The following RIN3 variants were observed in gnomAD, a reference collection of about 807,000 sequenced individuals.
RIN3 encodes the protein Ras and Rab interactor 3.
In RIN3, 54 loss-of-function variants were observed where a neutral mutation model predicts 76.3. The ratio of observed to expected loss-of-function variants is 0.71; its 90% CI spans 0.57 to 0.89. The LOEUF is 0.89. Among genes scored for constraint, RIN3 ranks in the 40% least tolerant of loss-of-function variants. The pLI is 0.00. For synonymous variants in RIN3, 576 were observed against 564.0 expected, an observed-to-expected ratio of 1.02 and a Z score of -0.30; for missense variants, 1,256 against 1,322.1, an observed-to-expected ratio of 0.95 and a Z score of 0.78.
At chr14:92,646,345 C>G (rs1186004941) in intron 5 of RIN3, among the ~76,000 whole-genome samples, 1 of 152,234 alleles carries the variant, frequency 6.6e-6, no homozygotes, top group Non-Finnish European at 1.5e-5. Flanking sequence ...TGGGCCCCAC[C>G]CTCTGCACCA....
intron 4 of RIN3, among the ~76,000 whole-genome samples, chr14:92,635,737 C>T (rs973441059): frequency 2.6e-5 from 4 of 152,074 alleles, no homozygotes; most frequent in Admixed American, 2.6e-4. Context: ...CCTGTAGTCC[C>T]AGCTACTCGG....
intron 4 of RIN3, among the ~76,000 whole-genome samples, chr14:92,637,125 A>G (rs896276944): frequency 3.9e-5 from 6 of 152,038 alleles, no homozygotes; most frequent in Non-Finnish European, 5.9e-5. Context: ...TTTATTGTGC[A>G]CCTTATTTCT....
intron 5 of RIN3, among the ~76,000 whole-genome samples, chr14:92,647,407 G>A (rs1047826589): frequency 4.6e-5 from 7 of 152,204 alleles, no homozygotes; most frequent in African/African-American, 1.7e-4. Flanking sequence ...AGCGTCCAAG[G>A]AATTTAGAGA....
intron 6 of RIN3, among the ~76,000 whole-genome samples, chr14:92,655,044 A>C (rs1887616422): frequency 6.6e-6 from 1 of 152,088 alleles, no homozygotes; most frequent in Non-Finnish European, 1.5e-5. Context: ...GCGCACCTGT[A>C]ATCCCAGCTA....
At chr14:92,575,121 T>A (rs886646872) in intron 2 of RIN3, among the ~76,000 whole-genome samples, 2 of 151,858 alleles carry the variant, frequency 1.3e-5, no homozygotes, top group African/African-American at 4.8e-5. Flanking sequence ...ATTAATAATA[T>A]TAATATGGTT....
At chr14:92,675,690 T>A (rs1044375227) in intron 7 of RIN3, among the ~76,000 whole-genome samples, 1 of 152,364 alleles carries the variant, frequency 6.6e-6, no homozygotes, top group East Asian at 1.9e-4. Flanking sequence ...AGGAAGATTC[T>A]ATTCTGGTCA....
In RIN3 at chr14:92,685,058, C is replaced by T. The variant is rs760455123; in HGVS notation, c.2539C>T (p.Arg847Trp). The change falls in exon 9 of 10, where the codon CGG (arginine) becomes TGG (tryptophan). Residue 847 changes from arginine to tryptophan, a missense_variant. Around this residue, in one of 3 missense-constraint regions of RIN3, gnomAD observed 428 missense variants for 521.2 expected, o/e 0.82. Coordinates refer to ENST00000216487, the MANE Select transcript of RIN3 (RefSeq NM_024832.5). This position sits in a 1 kb window ranked among gnomAD's most constrained non-coding sequence, Gnocchi z 4.7. ...GAGCTACGACAAGATCACGGTGACC[C>T]GGCAGCTGAGTGTGGAGGTGCAGGA... ...IKSYDKITVT[R>W]QLSVEVQDSI... 24 of 1,613,896 alleles carry T rather than the reference C, an allele frequency of 1.5e-5. No individual in the cohort carries two copies. The highest frequency in any genetic ancestry group is 2.2e-5 in the East Asian group (1 of 44,896).
Position 92,681,749 on chromosome 14 carries a change from T to C in RIN3, c.2468-3238T>C, listed in dbSNP as rs1888669988. On this transcript the variant is annotated intron_variant, in intron 8 of 9. Coordinates refer to ENST00000216487, the MANE Select transcript of RIN3 (RefSeq NM_024832.5). The surrounding 1 kb of genome is among the most constrained non-coding windows in gnomAD (Gnocchi z 4.7). ...AAGGGCTGGGGGCACCAGAGCCGAC[T>C]TCCTGGCCTGGGGCTTTAAACCTAA... 6.6e-6 allele frequency among the ~76,000 whole-genome samples: 1 copy of C among 152,226 alleles called. No homozygotes were observed. The highest frequency in any genetic ancestry group is 1.5e-5 in the Non-Finnish European group (1 of 68,038).
intron 4 of RIN3, among the ~76,000 whole-genome samples, chr14:92,617,069 C>A (rs1034998068): frequency 1.3e-5 from 2 of 152,246 alleles, no homozygotes; most frequent in Middle Eastern, 3.4e-3. Context: ...GAGGCCGAGG[C>A]CGGTGGATCA....
intron 3 of RIN3, among the ~76,000 whole-genome samples, chr14:92,604,561 G>A (rs530326357): frequency 6.6e-6 from 1 of 152,188 alleles, no homozygotes; most frequent in East Asian, 1.9e-4. Context: ...AGAAACTCCT[G>A]TCTCCTGTAG....
intron 3 of RIN3, among the ~76,000 whole-genome samples, chr14:92,611,105 G>A (rs1156697643): frequency 6.6e-6 from 1 of 152,164 alleles, no homozygotes; most frequent in African/African-American, 2.4e-5. Flanking sequence ...AAATCAAGGC[G>A]TGGACAGGCT....
intron 4 of RIN3, among the ~76,000 whole-genome samples, chr14:92,632,660 A>C (rs972929378): frequency 6.6e-6 from 1 of 152,200 alleles, no homozygotes; most frequent in Non-Finnish European, 1.5e-5. Context: ...CAGGAGACTG[A>C]CTACCAGGCC....
At position 92,651,947 on chromosome 14, in the gene RIN3, CTCCCT is replaced by C; in HGVS notation, c.899_903del (p.Leu300ArgfsTer122). 7.7e-7 allele frequency: 1 copy of C among 1,299,598 alleles called. No individual in the cohort carries two copies. Among genetic ancestry groups the C allele is most frequent in the Non-Finnish European group, 1.0e-6 (1 of 987,744 alleles). 80.5% of individuals were successfully genotyped at this position (1,299,598 alleles called of 1,614,324 possible). On this transcript the variant is annotated frameshift_variant, in exon 6 of 10. Coordinates refer to ENST00000216487, the MANE Select transcript of RIN3 (RefSeq NM_024832.5). LOFTEE classifies it high-confidence loss of function. ...CTGCAGCCCAGCCCAGCCCCCTGTG[CTCCCT>C]GCTCTTGCCCCCGCCCCTGCCTGTC...
intron 3 of RIN3, among the ~76,000 whole-genome samples, chr14:92,595,633 A>G (rs907245111): frequency 4.6e-5 from 7 of 152,206 alleles, no homozygotes; most frequent in Admixed American, 6.5e-5. Context: ...GGAGTGTGTC[A>G]GTAACCTGGG....
chr14:92,672,055 CTT>C (rs1022580330), intron 7 of RIN3, among the ~76,000 whole-genome samples: 116 of 152,260 alleles, frequency 7.6e-4, no homozygotes, highest in African/African-American at 2.6e-3. Context: ...GAAATGGAGT[CTT>C]TATTTGGGGT....
At chr14:92,526,450 C>A (rs1896733236) in intron 1 of RIN3, among the ~76,000 whole-genome samples, 1 of 150,312 alleles carries the variant, frequency 6.7e-6, no homozygotes, top group African/African-American at 2.5e-5. Context: ...CAGAGTGAGA[C>A]CCTGTCTTAA....
intron 1 of RIN3, among the ~76,000 whole-genome samples, chr14:92,546,908 C>G (rs1280249511): frequency 6.6e-6 from 1 of 150,954 alleles, no homozygotes; most frequent in Non-Finnish European, 1.5e-5. Flanking sequence ...AAAAATGTGA[C>G]CTACTAAAAG....
chr14:92,553,545 C>T (rs1897493518), intron 1 of RIN3, among the ~76,000 whole-genome samples: 5 of 152,110 alleles, frequency 3.3e-5, no homozygotes, highest in Admixed American at 3.3e-4. Flanking sequence ...CCATCCTACC[C>T]CGCCCCCACC....
chr14:92,659,158 C>A lies in RIN3; in HGVS notation c.2027-3C>A, dbSNP rs768565966. On this transcript the variant is annotated splice_region_variant and splice_polypyrimidine_tract_variant and intron_variant, in intron 6 of 9. Coordinates refer to ENST00000216487, the MANE Select transcript of RIN3 (RefSeq NM_024832.5). ...TCACCCTCGCTCTCTTGTTTACCTG[C>A]AGAAGCAATTGTAGAGTCTGCCTTG... 3 of 1,613,616 alleles carry A rather than the reference C, an allele frequency of 1.9e-6. No homozygotes were observed. Among genetic ancestry groups the A allele is most frequent in the African/African-American group, 2.7e-5 (2 of 74,898 alleles).
Sources: gnomAD v4.1 joint callset for allele counts (sites outside exome capture counted in the v4.1 genomes callset) on GRCh38, gnomAD v4.1.1 for gene constraint, gnomAD v4.1.1 regional missense constraint, Gnocchi (gnomAD v3.1) non-coding constraint, MANE v1.5 for transcripts, NCBI Gene and HGNC (gene_info 2026-07-23, HGNC 2026-07-21) for gene names.